Variants in PTPRD observed in about 807,000 individuals in gnomAD.
The protein encoded by PTPRD is protein tyrosine phosphatase receptor type D.
Under a neutral mutation model 214.5 loss-of-function variants are expected in PTPRD, and 34 were observed. The observed-to-expected ratio is 0.16, with a 90% CI of 0.12 to 0.21. The LOEUF (loss-of-function observed/expected upper bound fraction) is 0.21, where lower values mean the gene tolerates loss of function less well. Ranked by LOEUF, PTPRD falls within the 10% of genes least tolerant of loss-of-function variation. The pLI is 1.00. For missense variants in PTPRD, 2,545 were observed against 2,398.7 expected (o/e 1.06, Z -1.27); for synonymous variants, 1,128 against 845.7 (o/e 1.33, Z -5.79).
intron 2 of PTPRD, among the ~76,000 whole-genome samples, chr9:10,414,472 A>G: frequency 6.6e-6 from 1 of 151,902 alleles, no homozygotes; most frequent in Non-Finnish European, 1.5e-5. Context: ...AAAAAGGAAC[A>G]CTTAGACACT....
chr9:9,687,628 T>TA (rs1189119563), intron 7 of PTPRD, among the ~76,000 whole-genome samples: 2 of 149,196 alleles, frequency 1.3e-5, no homozygotes, highest in Admixed American at 6.7e-5. Context: ...AGTATAATAA[T>TA]AAAAAAAGAA....
At chr9:9,672,761 T>A (rs1003829217) in intron 7 of PTPRD, among the ~76,000 whole-genome samples, 2 of 152,058 alleles carry the variant, frequency 1.3e-5, no homozygotes, top group African/African-American at 4.8e-5. Context: ...AAAAAATTAG[T>A]GATGTATGAC....
chr9:8,317,375 AAATC>A lies in PTPRD; in HGVS notation c.*495_*498del, dbSNP rs199882073. 1,415 of 232,992 alleles carry A rather than the reference AAATC, an allele frequency of 6.1e-3. 17 individuals carry two copies. The highest frequency in any genetic ancestry group is 0.027 in the African/African-American group (1,230 of 45,366). The allele number at this position is 232,992 out of a possible 1,614,324, so 14.4% of individuals were successfully genotyped here. ...AGTATCTTTACAATACTAAAAAACT[AAATC>A]AAGGACTTTCTTTTTAAACATTCCC... On this transcript the variant is annotated 3_prime_UTR_variant, in exon 46 of 46. Coordinates refer to ENST00000381196, the MANE Select transcript of PTPRD (RefSeq NM_002839.4).
chr9:10,309,445 C>T lies in PTPRD; in HGVS notation c.-545+31518G>A, dbSNP rs995765288. Among the ~76,000 whole-genome samples the T allele has an allele frequency of 3.8e-4, 58 of 151,856 alleles. 1 individual carries two copies. Among genetic ancestry groups the T allele is most frequent in the African/African-American group, 1.2e-4 (5 of 41,340 alleles). On this transcript the variant is annotated intron_variant, in intron 3 of 45. Transcript: ENST00000381196. ...TCGACTCACTTCAACCTCCCCTTCC[C>T]GGGTTCAATCGATTCTCCTGCCTCA...
At chr9:9,704,703 C>G (rs760003393) in intron 7 of PTPRD, among the ~76,000 whole-genome samples, 2 of 152,172 alleles carry the variant, frequency 1.3e-5, no homozygotes, top group African/African-American at 4.8e-5. Flanking sequence ...GGAAAAAAAT[C>G]TGACTACCTG....
chr9:9,315,746 G>A (rs1962492279), intron 9 of PTPRD, among the ~76,000 whole-genome samples: 3 of 150,354 alleles, frequency 2.0e-5, no homozygotes, highest in Middle Eastern at 3.2e-3. Context: ...AAAAATCTCT[G>A]TGACTAGAAA....
chr9:9,440,790 A>C (rs895708453), intron 8 of PTPRD, among the ~76,000 whole-genome samples: 10 of 152,244 alleles, frequency 6.6e-5, no homozygotes, highest in African/African-American at 2.2e-4. Context: ...AATTGTTTCA[A>C]TCGCAATAAT....
intron 2 of PTPRD, among the ~76,000 whole-genome samples, chr9:10,455,235 C>A (rs1412681606): frequency 6.6e-6 from 1 of 151,548 alleles, no homozygotes; most frequent in Admixed American, 6.6e-5. Flanking sequence ...TTGTTTTTTT[C>A]TTTCATTACT....
chr9:10,597,910 C>T (rs1006683741), intron 2 of PTPRD, among the ~76,000 whole-genome samples: 3 of 151,730 alleles, frequency 2.0e-5, no homozygotes, highest in Non-Finnish European at 2.9e-5. Flanking sequence ...AAGCTTTCAT[C>T]GCATTTTGAT....
intron 14 of PTPRD, among the ~76,000 whole-genome samples, chr9:8,623,148 C>G (rs780054014): frequency 3.3e-5 from 5 of 151,766 alleles, no homozygotes; most frequent in Middle Eastern, 3.2e-3. Context: ...GGTACCCTGT[C>G]TCTAAAAAAA....
intron 14 of PTPRD, among the ~76,000 whole-genome samples, chr9:8,574,277 CTCTTTGGCA>C (rs1387218607): frequency 6.6e-6 from 1 of 151,924 alleles, no homozygotes; most frequent in African/African-American, 2.4e-5. Context: ...ATAATGAACA[CTCTTTGGCA>C]CTGTCTATCA....
chr9:9,148,324 C>T (rs2099872105), intron 10 of PTPRD, among the ~76,000 whole-genome samples: 2 of 151,922 alleles, frequency 1.3e-5, no homozygotes, highest in African/African-American at 4.8e-5. Flanking sequence ...CTTAAGAAGG[C>T]TTATCACTTG....
intron 2 of PTPRD, among the ~76,000 whole-genome samples, chr9:10,481,090 C>G (rs1194196257): frequency 1.3e-5 from 2 of 150,600 alleles, no homozygotes; most frequent in African/African-American, 4.9e-5. Context: ...AAAATCTATC[C>G]TGCTCAAGAA....
chr9:8,570,065 C>T (rs2090637292), intron 14 of PTPRD, among the ~76,000 whole-genome samples: 1 of 152,126 alleles, frequency 6.6e-6, no homozygotes, highest in African/African-American at 2.4e-5. Flanking sequence ...TATGCATCCT[C>T]TTACAACAGC....
At chr9:10,552,018 C>A (rs1205159732) in intron 2 of PTPRD, among the ~76,000 whole-genome samples, 1 of 152,154 alleles carries the variant, frequency 6.6e-6, no homozygotes, top group African/African-American at 2.4e-5. Flanking sequence ...TATGGAGGTG[C>A]TTTGGAGTCT....
At chr9:8,504,516 A>T in intron 22 of PTPRD, 111 bp from the exon 23 acceptor site, 1 of 1,218,940 alleles carries the variant, frequency 8.2e-7, no homozygotes, top group Non-Finnish European at 1.2e-6. Context: ...ATCTCATCAA[A>T]ATATCACCAA....
intron 8 of PTPRD, among the ~76,000 whole-genome samples, chr9:9,535,569 TA>T (rs2076342852): frequency 6.6e-6 from 1 of 152,130 alleles, no homozygotes; most frequent in Non-Finnish European, 1.5e-5. Flanking sequence ...AAAACAGATT[TA>T]TTTTTTTAAA....
chr9:10,242,366 G>T (rs1362470079), intron 3 of PTPRD, among the ~76,000 whole-genome samples: 2 of 151,942 alleles, frequency 1.3e-5, no homozygotes, highest in Non-Finnish European at 2.9e-5. Flanking sequence ...ACTGCAGTAG[G>T]CCAAAAGAGA....
intron 9 of PTPRD, among the ~76,000 whole-genome samples, chr9:9,363,435 C>G (rs1389703059): frequency 6.6e-6 from 1 of 151,308 alleles, no homozygotes; most frequent in Non-Finnish European, 1.5e-5. Flanking sequence ...CTCTATTTTA[C>G]TTAGAAATTA....
Sources: gnomAD v4.1 joint callset for allele counts (sites outside exome capture counted in the v4.1 genomes callset) on GRCh38, gnomAD v4.1.1 for gene constraint, MANE v1.5 for transcripts, NCBI Gene and HGNC (gene_info 2026-07-23, HGNC 2026-07-21) for gene names.